Variants in TRIM55 observed in about 807,000 individuals in gnomAD.
TRIM55 encodes tripartite motif containing 55.
In TRIM55, 50 loss-of-function variants were observed where a neutral mutation model predicts 60.9. That is an observed-to-expected ratio of 0.82 (90% CI 0.65 to 1.04). TRIM55 has a LOEUF of 1.04. TRIM55 is among the 50% of genes least tolerant of loss of function. The pLI is 0.00. For missense variants in TRIM55, 681 were observed against 666.9 expected (o/e 1.02, Z -0.23); for synonymous variants, 237 against 238.1 (o/e 1.00, Z 0.04).
chr8:66,123,564 A>C (rs986581458), upstream of TRIM55, among the ~76,000 whole-genome samples: 1 of 152,214 alleles, frequency 6.6e-6, no homozygotes, highest in Non-Finnish European at 1.5e-5. Context: ...GAGAGAAAAA[A>C]AAAGAGAGAG....
At chr8:66,145,449 A>G (rs2128978280) in intron 4 of TRIM55, among the ~76,000 whole-genome samples, 1 of 152,358 alleles carries the variant, frequency 6.6e-6, no homozygotes, top group Admixed American at 6.5e-5. Flanking sequence ...AGAAAATATA[A>G]TGATTTTATA....
In TRIM55 at chr8:66,149,742, C is replaced by A. The variant is rs1370893915; in HGVS notation, c.701C>A (p.Thr234Asn). The A allele has an allele frequency of 1.9e-6, 3 of 1,614,110 alleles. No individual in the cohort carries two copies. ...ERKNEMTQVI[T>N]RTQEEKLEHV... is the part of the protein sequence containing the mutation. ...AAGAATGAAATGACCCAAGTCATTA[C>A]CCGAACCCAAGAGGAGAAACTGGAA... The change falls in exon 5 of 10, where the codon ACC (threonine) becomes AAC (asparagine). Residue 234 changes from threonine (T) to asparagine (N), a missense_variant. Transcript: ENST00000315962.
chr8:66,150,338 G>C lies in TRIM55; in HGVS notation c.861-4G>C. 6.2e-7 allele frequency: 1 copy of C among 1,614,176 alleles called. No individual in the cohort carries two copies. On this transcript the variant is annotated splice_polypyrimidine_tract_variant and splice_region_variant and intron_variant, in intron 6 of 9. Coordinates refer to ENST00000315962, the MANE Select transcript of TRIM55 (RefSeq NM_184085.2). ...CAGAAAGTGGCAACTTGTCTTTGTT[G>C]CAGAATCTCGGAAGCATCAAAGGCA...
the TRIM55 span, among the ~76,000 whole-genome samples, chr8:66,120,880 A>G: frequency 2.0e-5 from 3 of 152,230 alleles, no homozygotes. Context: ...CCAAATTTGT[A>G]GCCAGTTGGT....
At chr8:66,119,264 G>C in the TRIM55 span, among the ~76,000 whole-genome samples, 2 of 152,316 alleles carry the variant, frequency 1.3e-5, no homozygotes, top group South Asian at 4.1e-4. Context: ...TAGAGGCTGA[G>C]CCAAGAGTAA....
At chr8:66,139,581 G>A (rs944759895) in intron 4 of TRIM55, among the ~76,000 whole-genome samples, 2 of 152,158 alleles carry the variant, frequency 1.3e-5, no homozygotes, top group African/African-American at 2.4e-5. Context: ...CAGGAAGAAC[G>A]TCCTGGCAGG....
At chr8:66,155,671 A>G (rs1810697044) in intron 9 of TRIM55, 2 of 1,613,268 alleles carry the variant, frequency 1.2e-6, no homozygotes, top group East Asian at 2.2e-5. Context: ...TCTTCACTAC[A>G]TCTGGAGTCA....
At chr8:66,125,520 G>A (rs982098632), upstream of TRIM55, among the ~76,000 whole-genome samples, 10 of 152,196 alleles carry the variant, frequency 6.6e-5, no homozygotes, top group African/African-American at 2.2e-4. Flanking sequence ...TTTTGCAGTA[G>A]AAACTTAATC....
At chr8:66,168,581 C>T (rs548162798) in intron 9 of TRIM55, among the ~76,000 whole-genome samples, 4 of 152,376 alleles carry the variant, frequency 2.6e-5, no homozygotes, top group African/African-American at 7.2e-5. Context: ...CCGTACCCCT[C>T]CTGTCCACAT....
intron 4 of TRIM55, among the ~76,000 whole-genome samples, chr8:66,146,707 G>C (rs1291951956): frequency 6.6e-6 from 1 of 152,162 alleles, no homozygotes; most frequent in African/African-American, 2.4e-5. Context: ...CTGAAGGTTG[G>C]AACAAAAGAT....
the TRIM55 span, among the ~76,000 whole-genome samples, chr8:66,114,294 C>T: frequency 4.6e-5 from 7 of 152,064 alleles, no homozygotes; most frequent in Non-Finnish European, 8.8e-5. Context: ...GTTTTTCTTT[C>T]GATTCTCAGC....
intron 9 of TRIM55, among the ~76,000 whole-genome samples, chr8:66,160,119 A>G (rs1810964337): frequency 6.6e-6 from 1 of 152,044 alleles, no homozygotes; most frequent in Non-Finnish European, 1.5e-5. Flanking sequence ...ACTGTACCCA[A>G]TGTGTAGTCT....
At chr8:66,136,476 A>T (rs956166228) in intron 3 of TRIM55, among the ~76,000 whole-genome samples, 1 of 152,216 alleles carries the variant, frequency 6.6e-6, no homozygotes, top group African/African-American at 2.4e-5. Flanking sequence ...GACCAAGCGC[A>T]TGGGTCTCCC....
At chr8:66,168,857 G>T (rs1378647991) in intron 9 of TRIM55, among the ~76,000 whole-genome samples, 3 of 152,202 alleles carry the variant, frequency 2.0e-5, no homozygotes, top group Non-Finnish European at 2.9e-5. Flanking sequence ...TCTAGGTAAA[G>T]TATTATCTGG....
intron 4 of TRIM55, among the ~76,000 whole-genome samples, chr8:66,139,165 T>C (rs1809657530): frequency 6.6e-6 from 1 of 152,216 alleles, no homozygotes; most frequent in South Asian, 2.1e-4. Flanking sequence ...AATTTGGTCA[T>C]AACACCGTGA....
intron 7 of TRIM55, among the ~76,000 whole-genome samples, chr8:66,150,853 G>A (rs1005363341): frequency 6.6e-6 from 1 of 152,078 alleles, no homozygotes; most frequent in Non-Finnish European, 1.5e-5. Context: ...TATTAGAGAG[G>A]TAGGGTTTCG....
intron 2 of TRIM55, among the ~76,000 whole-genome samples, chr8:66,132,360 A>G (rs1307522417): frequency 2.0e-5 from 3 of 152,208 alleles, no homozygotes; most frequent in African/African-American, 7.2e-5. Flanking sequence ...GACTGAGGCA[A>G]GAGAAATGCT....
upstream of TRIM55, among the ~76,000 whole-genome samples, chr8:66,122,800 A>G (rs910402641): frequency 2.0e-5 from 3 of 152,220 alleles, no homozygotes; most frequent in African/African-American, 7.2e-5. Context: ...TTAAGACTGA[A>G]CAAACAGACT....
intron 9 of TRIM55, among the ~76,000 whole-genome samples, chr8:66,166,401 T>A (rs983138872): frequency 3.9e-5 from 6 of 152,230 alleles, no homozygotes; most frequent in African/African-American, 1.4e-4. Context: ...AATTGTTTAT[T>A]ATTCTGATTT....
Sources: allele counts gnomAD v4.1 joint callset (sites outside exome capture counted in the v4.1 genomes callset), GRCh38; gene constraint gnomAD v4.1.1; transcripts MANE v1.5; gene names NCBI Gene and HGNC (gene_info 2026-07-23, HGNC 2026-07-21).